RAF1: variants seen among roughly 807,000 people sequenced by gnomAD.
RAF1 encodes the protein Raf-1 proto-oncogene, serine/threonine kinase, also known as RAF proto-oncogene serine/threonine-protein kinase.
RAF1 carries 27 observed loss-of-function variants against 81.1 expected under a neutral mutation model. The ratio of observed to expected loss-of-function variants is 0.33; its 90% confidence interval spans 0.25 to 0.46. The LOEUF is 0.46. Among genes scored for constraint, RAF1 ranks in the 20% least tolerant of loss-of-function variants. The pLI, the probability that RAF1 is intolerant of heterozygous loss-of-function variation, is 1.00. For missense variants in RAF1, 598 were observed against 826.0 expected, an observed-to-expected ratio of 0.72 and a Z score of 3.38; for synonymous variants, 298 against 294.0, an observed-to-expected ratio of 1.01 and a Z score of -0.14.
intron 2 of RAF1, among the ~76,000 whole-genome samples, chr3:12,614,962 T>C (rs1030351062): frequency 1.3e-5 from 2 of 152,216 alleles, no homozygotes; most frequent in African/African-American, 2.4e-5. Flanking sequence ...TGTTACATTA[T>C]CAGTCTTCAC....
intron 1 of RAF1, among the ~76,000 whole-genome samples, chr3:12,624,838 A>G (rs1057224277): frequency 4.9e-5 from 7 of 143,462 alleles, no homozygotes; most frequent in African/African-American, 1.8e-4. Flanking sequence ...GTGAGCCGAG[A>G]TTGCGCCACT....
chr3:12,608,641 C>G, intron 5 of RAF1, 125 bp downstream of exon 5: 2 of 1,139,388 alleles, frequency 1.8e-6, no homozygotes, highest in Non-Finnish European at 2.6e-6. Flanking sequence ...AAAGTAGTTT[C>G]TGGATCACAA....
intron 1 of RAF1, among the ~76,000 whole-genome samples, chr3:12,650,028 C>T (rs1255784468): frequency 6.6e-6 from 1 of 151,494 alleles, no homozygotes; most frequent in Non-Finnish European, 1.5e-5. Context: ...CGCCTGTAAT[C>T]CCAGCTACTC....
At chr3:12,636,935 G>T (rs1355671849) in intron 1 of RAF1, among the ~76,000 whole-genome samples, 1 of 152,126 alleles carries the variant, frequency 6.6e-6, no homozygotes, top group Admixed American at 6.6e-5. Flanking sequence ...TAAAAGAACA[G>T]GTACTGAGTT....
In RAF1 at chr3:12,603,327, A is replaced by C. The variant is rs991688026; in HGVS notation, c.894+151T>G. The C allele has an allele frequency of 2.2e-5, 12 of 546,892 alleles. No individual in the cohort carries two copies. The African/African-American group carries it at 2.3e-4, about 10-fold the overall frequency. 33.9% of individuals were successfully genotyped at this position (546,892 alleles called of 1,614,324 possible). On this transcript the variant is annotated intron_variant, in intron 8 of 17. Transcript: ENST00000442415. ...TACTCTACTGCCAAAAAAAATTTTA[A>C]AAAGAAAGAAAGAAAAAGAAAACAT...
At chr3:12,626,145 TAATCCCAGC>T (rs2059694962) in intron 1 of RAF1, among the ~76,000 whole-genome samples, 1 of 148,496 alleles carries the variant, frequency 6.7e-6, no homozygotes, top group African/African-American at 2.5e-5. Context: ...TGCGCGCCTG[TAATCCCAGC>T]AATCCCAGCT....
At chr3:12,609,655 T>A (rs2059149671) in intron 3 of RAF1, among the ~76,000 whole-genome samples, 1 of 152,076 alleles carries the variant, frequency 6.6e-6, no homozygotes, top group African/African-American at 2.4e-5. Context: ...TAAAAAAATG[T>A]TTTTTGGTAG....
At chr3:12,649,130 A>C (rs1050439259) in intron 1 of RAF1, among the ~76,000 whole-genome samples, 22 of 152,254 alleles carry the variant, frequency 1.4e-4, no homozygotes, top group Middle Eastern at 3.4e-3. Context: ...AAAAGAAAGA[A>C]AGAAAAGAAA....
intron 16 of RAF1, 54 bp from the exon 16 acceptor site, chr3:12,585,035 A>AT: frequency 6.2e-7 from 1 of 1,614,068 alleles, no homozygotes; most frequent in Non-Finnish European, 8.5e-7. Flanking sequence ...AACAGATAAT[A>AT]ACAAGTCCTA....
intron 13 of RAF1, chr3:12,590,545 A>G: frequency 2.0e-6 from 1 of 500,784 alleles, no homozygotes; most frequent in Non-Finnish European, 3.7e-6. Context: ...GGCTGGTCTC[A>G]AAACTACTGG....
At chr3:12,586,711 T>TA (rs953048081) in intron 14 of RAF1, 4 of 152,220 alleles carry the variant, frequency 2.6e-5, no homozygotes. Flanking sequence ...TCAAAATTGT[T>TA]AAATTTCACG....
intron 1 of RAF1, among the ~76,000 whole-genome samples, chr3:12,642,546 A>G (rs1233296714): frequency 6.6e-6 from 1 of 151,808 alleles, no homozygotes; most frequent in Non-Finnish European, 1.5e-5. Flanking sequence ...AAAAAACAGT[A>G]AGATAAATAA....
intron 12 of RAF1, among the ~76,000 whole-genome samples, chr3:12,591,464 T>G (rs1406861314): frequency 6.6e-6 from 1 of 152,194 alleles, no homozygotes; most frequent in Non-Finnish European, 1.5e-5. Context: ...ATTGGGCTAT[T>G]GAGTTTACTG....
chr3:12,631,900 G>T (rs976661777), intron 1 of RAF1, among the ~76,000 whole-genome samples: 1 of 152,154 alleles, frequency 6.6e-6, no homozygotes, highest in Non-Finnish European at 1.5e-5. Flanking sequence ...TTTCTATTTA[G>T]TAATGGTGAC....
intron 1 of RAF1, among the ~76,000 whole-genome samples, chr3:12,627,511 G>T (rs2059739225): frequency 6.6e-6 from 1 of 152,172 alleles, no homozygotes; most frequent in Non-Finnish European, 1.5e-5. Context: ...GAAAAAAAGG[G>T]ATGACTCATA....
intron 1 of RAF1, among the ~76,000 whole-genome samples, chr3:12,638,057 C>G (rs983648089): frequency 4.6e-5 from 7 of 152,106 alleles, no homozygotes; most frequent in Admixed American, 1.3e-4. Flanking sequence ...TCTCTTTACT[C>G]AGCTTTTTGG....
At chr3:12,586,154 C>T (rs575529431) in intron 14 of RAF1, among the ~76,000 whole-genome samples, 84 of 152,332 alleles carry the variant, frequency 5.5e-4, no homozygotes, top group African/African-American at 1.9e-3. Context: ...GCAGAGGCCA[C>T]ACTCCAGTGC....
At chr3:12,609,667 G>A (rs1271010623) in intron 3 of RAF1, among the ~76,000 whole-genome samples, 1 of 152,112 alleles carries the variant, frequency 6.6e-6, no homozygotes, top group Non-Finnish European at 1.5e-5. Flanking sequence ...TTTTGGTAGA[G>A]AGAGAGTCTT....
At chr3:12,608,511 T>C in intron 5 of RAF1, 1 of 526,256 alleles carries the variant, frequency 1.9e-6, no homozygotes, top group South Asian at 2.2e-5. Flanking sequence ...CTTTCCTTAC[T>C]GAATCACAGT....
Sources: allele counts gnomAD v4.1 joint callset (sites outside exome capture counted in the v4.1 genomes callset), GRCh38; gene constraint gnomAD v4.1.1; transcripts MANE v1.5; gene names NCBI Gene and HGNC (gene_info 2026-07-23, HGNC 2026-07-21).